The following THSD7A variants were observed in gnomAD, a reference collection of about 807,000 sequenced individuals.
THSD7A encodes thrombospondin type-1 domain-containing protein 7A.
A neutral mutation model predicts 231.3 loss-of-function variants in THSD7A; 96 were observed. The ratio of observed to expected loss-of-function variants is 0.41; its 90% CI spans 0.35 to 0.49. The LOEUF (loss-of-function observed/expected upper bound fraction) is 0.49. THSD7A is among the 20% of genes least tolerant of loss of function. The pLI is 0.05. For synonymous variants in THSD7A, 940 were observed against 743.3 expected (o/e 1.26, Z -4.30); for missense variants, 2,290 against 2,070.2 (o/e 1.11, Z -2.06).
At chr7:11,621,592 C>T (rs1361099974) in intron 2 of THSD7A, among the ~76,000 whole-genome samples, 4 of 151,978 alleles carry the variant, frequency 2.6e-5, no homozygotes, top group African/African-American at 9.7e-5. Context: ...AGAGTTTAGT[C>T]TTTGTCATAG....
At chr7:11,781,253 C>G (rs949301293) in intron 1 of THSD7A, among the ~76,000 whole-genome samples, 1 of 150,734 alleles carries the variant, frequency 6.6e-6, no homozygotes, top group Non-Finnish European at 1.5e-5. Context: ...TGTTCAAGAC[C>G]TGGGCAACAA....
At chr7:11,773,908 G>A (rs1487386598) in intron 1 of THSD7A, among the ~76,000 whole-genome samples, 2 of 152,120 alleles carry the variant, frequency 1.3e-5, no homozygotes, top group African/African-American at 4.8e-5. Flanking sequence ...CAAATGGCAT[G>A]AAGAGACAAT....
chr7:11,708,501 G>A (rs1380268326), intron 1 of THSD7A, among the ~76,000 whole-genome samples: 1 of 150,654 alleles, frequency 6.6e-6, no homozygotes, highest in Non-Finnish European at 1.5e-5. Flanking sequence ...CAACTTGAGA[G>A]AACAAAGTAC....
chr7:11,605,573 A>G (rs1309255943), intron 2 of THSD7A, among the ~76,000 whole-genome samples: 1 of 152,180 alleles, frequency 6.6e-6, no homozygotes, highest in Non-Finnish European at 1.5e-5. Flanking sequence ...TGCACAATAA[A>G]GTTTGAAAAA....
intron 1 of THSD7A, among the ~76,000 whole-genome samples, chr7:11,764,442 G>A (rs111745871): frequency 6.6e-6 from 1 of 151,982 alleles, no homozygotes; most frequent in Non-Finnish European, 1.5e-5. Flanking sequence ...TTAGCCAGGC[G>A]TGGTGGCAGG....
chr7:11,633,343 T>C (rs1781723055), intron 2 of THSD7A, among the ~76,000 whole-genome samples: 1 of 152,158 alleles, frequency 6.6e-6, no homozygotes, highest in Non-Finnish European at 1.5e-5. Flanking sequence ...CTTCCACTAG[T>C]TGTCAAAACT....
chr7:11,394,432 A>G (rs764097227), intron 23 of THSD7A, among the ~76,000 whole-genome samples: 3 of 152,112 alleles, frequency 2.0e-5, no homozygotes, highest in Non-Finnish European at 2.9e-5. Flanking sequence ...GGGAGAAACT[A>G]TAGGGAAAGG....
chr7:11,716,947 A>T (rs1526544), intron 1 of THSD7A, among the ~76,000 whole-genome samples: 21,065 of 151,588 alleles, frequency 0.14, 1,617 homozygotes, highest in Admixed American at 0.19. Flanking sequence ...ACCCTTTATG[A>T]AATAGAACCA....
intron 2 of THSD7A, among the ~76,000 whole-genome samples, chr7:11,593,904 G>C (rs565490688): frequency 6.6e-6 from 1 of 152,112 alleles, no homozygotes; most frequent in Non-Finnish European, 1.5e-5. Context: ...AAGTGTGATG[G>C]TTAATACTGA....
intron 1 of THSD7A, among the ~76,000 whole-genome samples, chr7:11,821,743 G>A (rs987184378): frequency 1.3e-5 from 2 of 152,114 alleles, no homozygotes; most frequent in African/African-American, 4.8e-5. Context: ...TACTGCATGT[G>A]ACATTTGAAA....
intron 1 of THSD7A, among the ~76,000 whole-genome samples, chr7:11,716,636 T>G (rs1781147060): frequency 6.6e-6 from 1 of 151,604 alleles, no homozygotes; most frequent in Admixed American, 6.6e-5. Context: ...GTAGGGGTTT[T>G]TTTAAATCTT....
At chr7:11,638,110 T>G (rs969976887) in intron 1 of THSD7A, among the ~76,000 whole-genome samples, 1 of 152,172 alleles carries the variant, frequency 6.6e-6, no homozygotes, top group African/African-American at 2.4e-5. Flanking sequence ...ATTGATGCTT[T>G]TATAAGAAAA....
intron 6 of THSD7A, among the ~76,000 whole-genome samples, chr7:11,510,144 C>T (rs4720992): frequency 0.016 from 2,406 of 152,208 alleles, 61 homozygotes; most frequent in African/African-American, 0.053. Context: ...GGAACCAACC[C>T]AAATGCCGAT....
chr7:11,756,165 C>A lies in THSD7A; in HGVS notation c.190+75592G>T, dbSNP rs114807535. On this transcript the variant is annotated intron_variant, in intron 1 of 27. Coordinates refer to ENST00000423059, the MANE Select transcript of THSD7A (RefSeq NM_015204.3). ...TTTATACTTTCTCTTTCTGTCCCTTCCACATCTATTATGTTACTAAAAGCC... is the reference window on the plus strand; with the variant it reads ...TTTATACTTTCTCTTTCTGTCCCTTACACATCTATTATGTTACTAAAAGCC... Among the ~76,000 whole-genome samples, 1,268 of 152,184 alleles carry A rather than the reference C, an allele frequency of 8.3e-3. 8 individuals are homozygous for A. The highest frequency in any genetic ancestry group is 0.029 in the African/African-American group (1,212 of 41,528).
At chr7:11,477,241 C>T (rs1173794823) in intron 7 of THSD7A, among the ~76,000 whole-genome samples, 3 of 152,116 alleles carry the variant, frequency 2.0e-5, no homozygotes, top group African/African-American at 4.8e-5. Flanking sequence ...TCTTCATTTT[C>T]ATGGCTTAGA....
chr7:11,563,339 C>G (rs6979815), intron 4 of THSD7A, among the ~76,000 whole-genome samples: 43,462 of 151,956 alleles, frequency 0.29, 6,312 homozygotes, highest in South Asian at 0.42. Context: ...TTTTTAGCTA[C>G]GATAACTCAT....
rs953675283 is a variant in THSD7A at position 11,751,524 on chromosome 7, A to G, written c.190+80233T>C. Among the ~76,000 whole-genome samples the G allele has an allele frequency of 2.6e-5, 4 of 151,938 alleles. No individual in the cohort carries two copies. The South Asian group carries it at 8.3e-4, about 32-fold the overall frequency. On this transcript the variant is annotated intron_variant, in intron 1 of 27. Transcript: ENST00000423059. ...TCTGACTCACCATGATCTGGCATAT[A>G]AAGAGAGTACAACGCAGAGTGTACC...
At position 11,831,962 on chromosome 7, in the gene THSD7A, T is replaced by G; in HGVS notation, c.-16A>C. On this transcript the variant is annotated 5_prime_UTR_variant, in exon 1 of 28. Transcript: ENST00000423059. The surrounding 1 kb of genome is among the most constrained non-coding windows in gnomAD (Gnocchi z 5.0). ...GCAGCCCCATGCCGCCTGCAGCCAC[T>G]CCAGGGTCCAGAGCCGTAGCACGCT... 8.2e-7 allele frequency: 1 copy of G among 1,226,730 alleles called. No individual in the cohort carries two copies. The highest frequency in any genetic ancestry group is 1.6e-5 in the African/African-American group (1 of 63,994). 76.0% of individuals were successfully genotyped at this position (1,226,730 alleles called of 1,614,324 possible).
intron 4 of THSD7A, among the ~76,000 whole-genome samples, chr7:11,585,621 TAAGA>T (rs1779856562): frequency 6.6e-6 from 1 of 152,168 alleles, no homozygotes; most frequent in Non-Finnish European, 1.5e-5. Flanking sequence ...TACATACACT[TAAGA>T]AAGATTAAAA....
Sources: gnomAD v4.1 joint callset for allele counts (sites outside exome capture counted in the v4.1 genomes callset) on GRCh38, gnomAD v4.1.1 for gene constraint, Gnocchi (gnomAD v3.1) non-coding constraint, MANE v1.5 for transcripts, NCBI Gene and HGNC (gene_info 2026-07-23, HGNC 2026-07-21) for gene names.